The following ANKRD17 variants were observed in gnomAD, a reference collection of about 807,000 sequenced individuals.
ANKRD17 encodes the protein ankyrin repeat domain 17.
Under a neutral mutation model 229.7 loss-of-function variants are expected in ANKRD17, and 19 were observed. That is an observed-to-expected ratio of 0.08 (90% CI 0.06 to 0.12). The LOEUF (loss-of-function observed/expected upper bound fraction) is 0.12. ANKRD17 is among the 10% of genes least tolerant of loss of function. The pLI, the probability that ANKRD17 is intolerant of heterozygous loss-of-function variation, is 1.00. For synonymous variants in ANKRD17, 1,112 were observed against 1,146.1 expected (o/e 0.97, Z 0.60); for missense variants, 2,176 against 3,176.8 (o/e 0.68, Z 7.57).
chr4:73,093,376 C>CTTTTT (rs11368928), intron 28 of ANKRD17, among the ~76,000 whole-genome samples: 29 of 112,768 alleles, frequency 2.6e-4, no homozygotes, highest in African/African-American at 3.8e-4. Flanking sequence ...AACTCAAATT[C>CTTTTT]TTTTTTTTTT....
chr4:73,162,461 C>T (rs1046879046), intron 2 of ANKRD17, among the ~76,000 whole-genome samples: 1 of 152,094 alleles, frequency 6.6e-6, no homozygotes, highest in Non-Finnish European at 1.5e-5. Flanking sequence ...TCCCAAAGTG[C>T]TCCCAATTAC....
intron 1 of ANKRD17, among the ~76,000 whole-genome samples, chr4:73,256,608 C>T (rs1343515613): frequency 6.6e-6 from 1 of 152,152 alleles, no homozygotes; most frequent in Non-Finnish European, 1.5e-5. Flanking sequence ...TTGTTTTCCT[C>T]CTTTTTAAAA....
chr4:73,087,801 G>GA (rs1278492288), intron 29 of ANKRD17, among the ~76,000 whole-genome samples: 1 of 152,120 alleles, frequency 6.6e-6, no homozygotes. Context: ...TATCATGTTT[G>GA]AAAGTTATCT....
chr4:73,138,489 T>C (rs1729191893), intron 15 of ANKRD17, among the ~76,000 whole-genome samples: 1 of 152,060 alleles, frequency 6.6e-6, no homozygotes, highest in South Asian at 2.1e-4. Flanking sequence ...TAGTTTCCTA[T>C]TATCCATTTA....
At chr4:73,218,319 C>T (rs908168857) in intron 1 of ANKRD17, among the ~76,000 whole-genome samples, 1 of 152,140 alleles carries the variant, frequency 6.6e-6, no homozygotes, top group Non-Finnish European at 1.5e-5. Flanking sequence ...AAATATGTAT[C>T]TATGCATCCT....
chr4:73,222,788 G>T (rs569943317), intron 1 of ANKRD17, among the ~76,000 whole-genome samples: 4 of 152,118 alleles, frequency 2.6e-5, no homozygotes, highest in Admixed American at 6.6e-5. Flanking sequence ...AATTATAGAC[G>T]TCTATAGTAA....
chr4:73,150,522 C>T (rs1449778477), intron 7 of ANKRD17, among the ~76,000 whole-genome samples: 1 of 151,914 alleles, frequency 6.6e-6, no homozygotes, highest in Non-Finnish European at 1.5e-5. Flanking sequence ...AACTCAAAAG[C>T]TTAGAAAAAC....
chr4:73,193,177 G>C (rs1737362296), intron 1 of ANKRD17, among the ~76,000 whole-genome samples: 2 of 152,250 alleles, frequency 1.3e-5, no homozygotes, highest in South Asian at 4.1e-4. Flanking sequence ...ACAGGTTTCT[G>C]AATGTAGCTT....
chr4:73,195,352 G>A (rs1368595584), intron 1 of ANKRD17, among the ~76,000 whole-genome samples: 1 of 151,942 alleles, frequency 6.6e-6, no homozygotes, highest in Non-Finnish European at 1.5e-5. Context: ...GCTTGGTCTT[G>A]GTATCAGGGT....
At position 73,090,864 on chromosome 4, in the gene ANKRD17, C is replaced by T. The variant is rs1449844864; in HGVS notation, c.6764G>A (p.Ser2255Asn). 6.2e-7 allele frequency: 1 copy of T among 1,614,202 alleles called. No homozygotes were observed. The highest frequency in any genetic ancestry group is 8.5e-7 in the Non-Finnish European group (1 of 1,180,032). Residue 2255 changes from serine (S) to asparagine (N), a missense_variant, in exon 29 of 34, where the codon AGC becomes AAC. Around this residue, in one of 18 missense-constraint regions of ANKRD17, gnomAD observed 424 missense variants for 454.0 expected, o/e 0.93. Coordinates refer to ENST00000358602, the MANE Select transcript of ANKRD17 (RefSeq NM_032217.5). ...AGTAGGGCTGTTTTCAAACAATGTG[C>T]TAAAGGGCCCAAATGGTAAGGGGGC... Reference protein sequence around the residue: ...FSAPLPFGPFSTLFENSPTSA... With the variant: ...FSAPLPFGPFNTLFENSPTSA...
chr4:73,149,219 T>C (rs551377690), intron 7 of ANKRD17, among the ~76,000 whole-genome samples, 169 bp from the exon 8 acceptor site: 34 of 152,352 alleles, frequency 2.2e-4, no homozygotes, highest in African/African-American at 6.7e-4. Context: ...ACTGCCTATA[T>C]TCTGTTAACA....
Position 73,089,273 on chromosome 4 carries a change from C to T in ANKRD17, c.6961+1394G>A, listed in dbSNP as rs1426514692. The stretch of plus-strand genomic sequence containing the variant: ...CTGGTCTGGAACTCCTGGGCTTAAG[C>T]AATCGACCCACCTCAGCCTCCCAAA... On this transcript the variant is annotated intron_variant, in intron 29 of 33. Transcript: ENST00000358602. Among the ~76,000 whole-genome samples, 8 of 152,006 alleles carry T rather than the reference C, an allele frequency of 5.3e-5. No homozygotes were observed. The South Asian group carries it at 1.5e-3, about 28-fold the overall frequency.
chr4:73,121,140 T>G (rs765669544), intron 19 of ANKRD17, 46 bp from the exon 20 acceptor site: 1 of 1,474,310 alleles, frequency 6.8e-7, no homozygotes, highest in Non-Finnish European at 9.5e-7. Flanking sequence ...ATATATATTT[T>G]AAATGACAGA....
chr4:73,095,343 G>A (rs900625788), intron 27 of ANKRD17, among the ~76,000 whole-genome samples: 9 of 152,064 alleles, frequency 5.9e-5, no homozygotes, highest in African/African-American at 2.2e-4. Context: ...GCTCACGCCT[G>A]TAATCCCAGC....
At chr4:73,204,714 A>G (rs955623619) in intron 1 of ANKRD17, among the ~76,000 whole-genome samples, 7 of 152,170 alleles carry the variant, frequency 4.6e-5, no homozygotes, top group African/African-American at 1.4e-4. Flanking sequence ...GATACATGAC[A>G]ATATTCAGAC....
At chr4:73,171,202 A>AGAGAGAGAGAGAGAGG (rs1266790061) in intron 2 of ANKRD17, among the ~76,000 whole-genome samples, 6 of 151,412 alleles carry the variant, frequency 4.0e-5, no homozygotes, top group African/African-American at 1.5e-4. Flanking sequence ...AGAGAGAGAG[A>AGAGAGAGAGAGAGAGG]GAGAGAGAGA....
At chr4:73,223,081 AG>A in intron 1 of ANKRD17, 1 of 1,525,980 alleles carries the variant, frequency 6.6e-7, no homozygotes, top group South Asian at 1.2e-5. Flanking sequence ...CATTGCCAGC[AG>A]GAACACTCCT....
intron 25 of ANKRD17, among the ~76,000 whole-genome samples, chr4:73,100,368 C>T (rs1036832419): frequency 7.3e-4 from 111 of 151,810 alleles, no homozygotes; most frequent in African/African-American, 2.4e-3. Context: ...TAGGGACCAC[C>T]CCCTCCCCCT....
intron 1 of ANKRD17, among the ~76,000 whole-genome samples, chr4:73,230,137 T>G (rs1742902524): frequency 6.6e-6 from 1 of 152,094 alleles, no homozygotes; most frequent in Admixed American, 6.6e-5. Context: ...AATAAGACAG[T>G]TGAACATGCT....
Sources: allele counts gnomAD v4.1 joint callset (sites outside exome capture counted in the v4.1 genomes callset), GRCh38; gene constraint gnomAD v4.1.1; regional missense constraint gnomAD v4.1.1; transcripts MANE v1.5; gene names NCBI Gene and HGNC (gene_info 2026-07-23, HGNC 2026-07-21).